ZNF487: variants seen among roughly 807,000 people sequenced by gnomAD.
ZNF487 encodes KRAB domain only 1.
Under a neutral mutation model 3.0 loss-of-function variants are expected in ZNF487, and 4 were observed. The observed-to-expected ratio is 1.35, with a 90% CI of 0.66 to 3.08. The LOEUF is 3.08. Ranked by LOEUF, ZNF487 falls within the 30% of genes most tolerant of loss-of-function variation. The probability of loss-of-function intolerance (pLI) is 0.01; values close to 1 mark genes in which losing one functional copy is unlikely to be tolerated. For synonymous variants in ZNF487, 55 were observed against 34.6 expected, an observed-to-expected ratio of 1.59 and a Z score of -2.06; for missense variants, 146 against 98.7, an observed-to-expected ratio of 1.48 and a Z score of -2.03.
chr10:43,462,522 C>T lies in ZNF487; in HGVS notation c.-93-13199C>T, dbSNP rs181854276. 4.6e-3 allele frequency among the ~76,000 whole-genome samples: 654 copies of T among 142,044 alleles called. 2 individuals carry two copies. Among genetic ancestry groups the T allele is most frequent in the African/African-American group, 0.016 (620 of 38,458 alleles). 93.2% of individuals were successfully genotyped at this position (142,044 alleles called of 152,430 possible). A position where few individuals can be genotyped will look rare whatever the true frequency, so the allele number is the denominator to read the frequency against. On this transcript the variant is annotated intron_variant, in intron 1 of 3. Transcript: ENST00000437590. ...CCAGGCTGGAGTGCAGTGGCGTGAT[C>T]TCAGCTCACTGCAACCTTGGCCTCC...
At chr10:43,496,823 T>C in the ZNF487 span, among the ~76,000 whole-genome samples, 1 of 152,102 alleles carries the variant, frequency 6.6e-6, no homozygotes, top group Non-Finnish European at 1.5e-5. Context: ...TAGAGAGCTC[T>C]TTGGGGGTCT....
chr10:43,452,530 T>A (rs35125866), intron 1 of ZNF487: 99,736 of 151,808 alleles, frequency 0.66, 34,317 homozygotes, highest in Non-Finnish European at 0.76. Flanking sequence ...TTTTTAATTT[T>A]TTTTTTGTAG....
the ZNF487 span, among the ~76,000 whole-genome samples, chr10:43,500,059 T>G: frequency 2.0e-5 from 3 of 152,006 alleles, no homozygotes; most frequent in Non-Finnish European, 4.4e-5. Context: ...AATTTTTGTA[T>G]TTTTAGTAAA....
intron 1 of ZNF487, among the ~76,000 whole-genome samples, chr10:43,462,209 G>A (rs1158083432): frequency 1.3e-5 from 2 of 152,070 alleles, no homozygotes; most frequent in Non-Finnish European, 2.9e-5. Context: ...GGAGTGCAGT[G>A]GCACGACCCC....
chr10:43,466,129 A>G (rs994596404), intron 1 of ZNF487, among the ~76,000 whole-genome samples: 1 of 150,098 alleles, frequency 6.7e-6, no homozygotes, highest in Non-Finnish European at 1.5e-5. Flanking sequence ...GTGAGCCGAG[A>G]TGGCAGCAGT....
chr10:43,451,961 A>C (rs1339181540), intron 1 of ZNF487: 1 of 152,254 alleles, frequency 6.6e-6, no homozygotes, highest in East Asian at 1.9e-4. Flanking sequence ...CTACACCGCA[A>C]AGTAAACTTT....
intron 1 of ZNF487, among the ~76,000 whole-genome samples, chr10:43,440,262 C>T (rs555043115): frequency 1.6e-3 from 245 of 151,854 alleles, no homozygotes; most frequent in African/African-American, 5.0e-3. Flanking sequence ...GTTGGCCAGG[C>T]TGATCTCAAA....
At chr10:43,443,258 T>C (rs1839682471) in intron 1 of ZNF487, among the ~76,000 whole-genome samples, 1 of 151,622 alleles carries the variant, frequency 6.6e-6, no homozygotes, top group African/African-American at 2.4e-5. Flanking sequence ...GAGACGAGGT[T>C]TCACCATGTT....
intron 1 of ZNF487, among the ~76,000 whole-genome samples, chr10:43,470,016 G>A (rs184656402): frequency 1.7e-3 from 262 of 152,140 alleles, no homozygotes; most frequent in Non-Finnish European, 3.0e-3. Context: ...ACACTTAATA[G>A]ACTATAGTAT....
intron 3 of ZNF487, among the ~76,000 whole-genome samples, chr10:43,480,339 C>CTCG (rs1407742862): frequency 1.4e-5 from 2 of 147,058 alleles, no homozygotes; most frequent in African/African-American, 5.0e-5. Flanking sequence ...AGCTCCTGAC[C>CTCG]TCGTGATCCA....
intron 3 of ZNF487, among the ~76,000 whole-genome samples, chr10:43,481,113 G>A (rs1841334983): frequency 6.6e-6 from 1 of 151,940 alleles, no homozygotes; most frequent in African/African-American, 2.4e-5. Context: ...TACAGCCTGG[G>A]CAACAGGAGT....
chr10:43,507,445 G>A, the ZNF487 span, among the ~76,000 whole-genome samples: 3 of 152,190 alleles, frequency 2.0e-5, no homozygotes, highest in African/African-American at 4.8e-5. Flanking sequence ...CACTTGTGCT[G>A]TTGCTTCCCC....
intron 1 of ZNF487, chr10:43,454,127 A>T (rs769227374): frequency 6.6e-6 from 1 of 152,076 alleles, no homozygotes; most frequent in African/African-American, 2.4e-5. Flanking sequence ...ATCTCAGCTC[A>T]TTGCAACTTC....
At chr10:43,478,648 G>C (rs767441534) in intron 3 of ZNF487, among the ~76,000 whole-genome samples, 3 of 152,158 alleles carry the variant, frequency 2.0e-5, no homozygotes, top group Admixed American at 1.3e-4. Context: ...GAGCCCAGGA[G>C]TTTGAAGCTG....
At chr10:43,511,655 G>A in the ZNF487 span, among the ~76,000 whole-genome samples, 1 of 152,152 alleles carries the variant, frequency 6.6e-6, no homozygotes, top group South Asian at 2.1e-4. Flanking sequence ...CTCGGTGAGT[G>A]GAAGTCCATG....
chr10:43,451,534 T>A (rs1463701065), intron 1 of ZNF487, among the ~76,000 whole-genome samples: 1 of 150,710 alleles, frequency 6.6e-6, no homozygotes, highest in Non-Finnish European at 1.5e-5. Flanking sequence ...CTTGAGCCAC[T>A]GTGCCTGGCC....
Position 43,480,011 on chromosome 10 carries a change from CTT to C in ZNF487, c.131-1416_131-1415del, listed in dbSNP as rs1191824657. Among the ~76,000 whole-genome samples the C allele has an allele frequency of 8.5e-5, 6 of 70,446 alleles. 1 individual carries two copies. The highest frequency in any genetic ancestry group is 1.6e-4 in the Non-Finnish European group (4 of 24,592). 46.2% of individuals were successfully genotyped at this position (70,446 alleles called of 152,430 possible). On this transcript the variant is annotated intron_variant, in intron 3 of 3. Transcript: ENST00000437590. ...TCTTTCTTTCTTTCTTTCTTTCTTT[CTT>C]TCTTTCTTTCTTTCTTTCTTTCTTT... is the stretch of plus-strand genomic sequence containing the variant.
intron 1 of ZNF487, among the ~76,000 whole-genome samples, chr10:43,460,361 T>A (rs1230082231): frequency 1.3e-5 from 2 of 151,104 alleles, no homozygotes; most frequent in African/African-American, 4.9e-5. Context: ...CCTGAAAGAG[T>A]CTGTTGTTTT....
chr10:43,493,140 G>A, the ZNF487 span, among the ~76,000 whole-genome samples: 2 of 152,188 alleles, frequency 1.3e-5, no homozygotes, highest in Non-Finnish European at 2.9e-5. Flanking sequence ...TGAGGCAGGA[G>A]AATTCCTTGA....
Sources: allele counts gnomAD v4.1 joint callset (sites outside exome capture counted in the v4.1 genomes callset), GRCh38; gene constraint gnomAD v4.1.1; transcripts MANE v1.5; gene names NCBI Gene and HGNC (gene_info 2026-07-23, HGNC 2026-07-21).